CDKAL1: variants seen among roughly 807,000 people sequenced by gnomAD.
The protein encoded by CDKAL1 is CDKAL1 threonylcarbamoyladenosine tRNA methylthiotransferase.
In CDKAL1, 32 loss-of-function variants were observed where a neutral mutation model predicts 68.2. The observed-to-expected ratio is 0.47, with a 90% CI of 0.35 to 0.63. The LOEUF (loss-of-function observed/expected upper bound fraction) is 0.63, where lower values mean the gene tolerates loss of function less well. Among genes scored for constraint, CDKAL1 ranks in the 30% least tolerant of loss-of-function variants. CDKAL1 has a pLI of 0.00. For synonymous variants in CDKAL1, 234 were observed against 244.3 expected (o/e 0.96, Z 0.39); for missense variants, 606 against 696.7 (o/e 0.87, Z 1.47).
At chr6:20,759,383 A>AATAG (rs1774369124) in intron 7 of CDKAL1, among the ~76,000 whole-genome samples, 6 of 151,984 alleles carry the variant, frequency 3.9e-5, no homozygotes, top group Admixed American at 3.3e-4. Flanking sequence ...CTCTACAAAA[A>AATAG]ATAGAAAAAT....
intron 5 of CDKAL1, among the ~76,000 whole-genome samples, chr6:20,723,121 A>G (rs1476751882): frequency 6.6e-6 from 1 of 152,116 alleles, no homozygotes; most frequent in East Asian, 1.9e-4. Context: ...CAGCTGCCCC[A>G]TGTGATGAGG....
At chr6:20,846,430 C>T (rs1421729405) in intron 9 of CDKAL1, among the ~76,000 whole-genome samples, 1 of 152,060 alleles carries the variant, frequency 6.6e-6, no homozygotes, top group African/African-American at 2.4e-5. Flanking sequence ...CTTTATCACC[C>T]ACCTCTAGAC....
chr6:21,110,985 T>A (rs1582219114), intron 13 of CDKAL1, among the ~76,000 whole-genome samples: 1 of 152,064 alleles, frequency 6.6e-6, no homozygotes, highest in East Asian at 1.9e-4. Flanking sequence ...AACATTTTTT[T>A]TTAAAATAAT....
intron 15 of CDKAL1, among the ~76,000 whole-genome samples, chr6:21,216,963 A>G (rs755362850): frequency 2.6e-5 from 4 of 152,184 alleles, no homozygotes; most frequent in Admixed American, 6.5e-5. Context: ...TGTCTCCCAC[A>G]GTGGCTATGT....
intron 4 of CDKAL1, among the ~76,000 whole-genome samples, chr6:20,625,208 A>G (rs1157431049): frequency 1.3e-5 from 2 of 151,862 alleles, no homozygotes; most frequent in African/African-American, 2.4e-5. Flanking sequence ...TGTTTTTGTA[A>G]CTCTATTCTT....
rs117114319 is a variant in CDKAL1, at chr6:21,042,873, G to A, written c.1056-22175G>A. On this transcript the variant is annotated intron_variant, in intron 11 of 15. Transcript: ENST00000274695. Reference sequence around the variant, plus strand: ...CCCATTCATAGGCCCTGCATCCTATGGTGTTTGTGATTTGTTTCTTTCTAC... The same window carrying A: ...CCCATTCATAGGCCCTGCATCCTATAGTGTTTGTGATTTGTTTCTTTCTAC... 3.5e-4 allele frequency among the ~76,000 whole-genome samples: 53 copies of A among 152,212 alleles called. No homozygotes were observed. The East Asian group carries it at 6.0e-3, about 17-fold the overall frequency.
intron 13 of CDKAL1, among the ~76,000 whole-genome samples, chr6:21,122,731 G>A (rs1774788498): frequency 6.6e-6 from 1 of 151,610 alleles, no homozygotes; most frequent in South Asian, 2.1e-4. Flanking sequence ...CGAACTCCTG[G>A]GTTCAAGCAA....
intron 13 of CDKAL1, among the ~76,000 whole-genome samples, chr6:21,166,848 T>A (rs1166892122): frequency 6.6e-6 from 1 of 152,208 alleles, no homozygotes; most frequent in African/African-American, 2.4e-5. Context: ...CATGTGATGC[T>A]CCTATTCATA....
intron 11 of CDKAL1, among the ~76,000 whole-genome samples, chr6:21,018,757 A>AT (rs796699016): frequency 9.9e-5 from 15 of 152,100 alleles, no homozygotes; most frequent in African/African-American, 3.4e-4. Context: ...TACGTTTATG[A>AT]TTTTTTTGTT....
intron 13 of CDKAL1, among the ~76,000 whole-genome samples, chr6:21,119,021 T>A (rs1368702293): frequency 1.3e-5 from 2 of 152,236 alleles, no homozygotes; most frequent in Non-Finnish European, 2.9e-5. Flanking sequence ...TTAATTCTTA[T>A]GGACACTTTC....
intron 5 of CDKAL1, among the ~76,000 whole-genome samples, chr6:20,678,160 G>C (rs967068262): frequency 2.7e-5 from 4 of 150,834 alleles, no homozygotes; most frequent in African/African-American, 9.7e-5. Flanking sequence ...AGAATGTATA[G>C]GTCTGTTATT....
chr6:21,135,031 G>A (rs761810777), intron 13 of CDKAL1, among the ~76,000 whole-genome samples: 9 of 152,034 alleles, frequency 5.9e-5, no homozygotes, highest in East Asian at 1.9e-4. Flanking sequence ...GAAATCTTAC[G>A]TAAATAGTCT....
In CDKAL1 at chr6:20,587,228, C is replaced by T. The variant is rs544765284; in HGVS notation, c.286+38523C>T. 2.8e-4 allele frequency among the ~76,000 whole-genome samples: 43 copies of T among 151,958 alleles called. 1 individual carries two copies. The highest frequency in any genetic ancestry group is 6.3e-4 in the Non-Finnish European group (43 of 67,990). ...TCTCGAACTCCTGACCTCAGGTGAT[C>T]CACCTGCCGCAGCCTCCCAAAGTGC... On this transcript the variant is annotated intron_variant, in intron 4 of 15. Coordinates refer to ENST00000274695, the MANE Select transcript of CDKAL1 (RefSeq NM_017774.3).
At chr6:20,672,797 G>A (rs1769909671) in intron 5 of CDKAL1, among the ~76,000 whole-genome samples, 1 of 152,014 alleles carries the variant, frequency 6.6e-6, no homozygotes, top group African/African-American at 2.4e-5. Flanking sequence ...TTTCTTTTGA[G>A]ACAGAGTTTC....
At chr6:21,226,528 T>C (rs1779752168) in intron 15 of CDKAL1, among the ~76,000 whole-genome samples, 1 of 152,184 alleles carries the variant, frequency 6.6e-6, no homozygotes, top group Non-Finnish European at 1.5e-5. Context: ...CCCTTAGTCT[T>C]TATTATAACA....
rs1340591808 is a variant in CDKAL1, at chr6:20,989,288, C to G, written c.910-10939C>G. On this transcript the variant is annotated intron_variant, in intron 10 of 15. Transcript: ENST00000274695. ...TATAGAATGCAGAGGAGATTATTGT[C>G]TACTTTGCATCCCCAATCCCAGAAA... Among the ~76,000 whole-genome samples the G allele has an allele frequency of 5.9e-5, 9 of 152,252 alleles. No individual in the cohort carries two copies. In the East Asian group the frequency reaches 1.7e-3, roughly 29 times the overall value.
chr6:20,656,390 G>A (rs1769026276), intron 5 of CDKAL1, among the ~76,000 whole-genome samples: 1 of 152,160 alleles, frequency 6.6e-6, no homozygotes, highest in East Asian at 1.9e-4. Context: ...ATGGAAGAGG[G>A]GAGTTAGGGT....
At chr6:20,784,708 C>T (rs1041651221) in intron 8 of CDKAL1, among the ~76,000 whole-genome samples, 71 of 151,950 alleles carry the variant, frequency 4.7e-4, no homozygotes, top group Non-Finnish European at 8.1e-4. Context: ...TAGGCATGAG[C>T]CACTGCACCT....
intron 13 of CDKAL1, among the ~76,000 whole-genome samples, chr6:21,169,188 A>G (rs1777274590): frequency 1.3e-5 from 2 of 152,218 alleles, no homozygotes; most frequent in South Asian, 4.1e-4. Flanking sequence ...AGTCTGCCCC[A>G]TGGTGATAAA....
Sources: gnomAD v4.1 joint callset for allele counts (sites outside exome capture counted in the v4.1 genomes callset) on GRCh38, gnomAD v4.1.1 for gene constraint, MANE v1.5 for transcripts, NCBI Gene and HGNC (gene_info 2026-07-23, HGNC 2026-07-21) for gene names.